Variants in CTNS observed in about 807,000 individuals in gnomAD.
CTNS encodes the protein cystinosin, lysosomal cystine transporter, also known as cystinosin.
Under a neutral mutation model 43.7 loss-of-function variants are expected in CTNS, and 27 were observed. The ratio of observed to expected loss-of-function variants is 0.62; its 90% CI spans 0.46 to 0.85. The LOEUF is 0.85. Among genes scored for constraint, CTNS ranks in the 40% least tolerant of loss-of-function variants. CTNS has a pLI of 0.00. For missense variants in CTNS, 457 were observed against 475.4 expected (o/e 0.96, Z 0.36); for synonymous variants, 187 against 190.6 (o/e 0.98, Z 0.16).
At chr17:3,646,819 T>A (rs2150903633) in intron 3 of CTNS, among the ~76,000 whole-genome samples, 1 of 152,314 alleles carries the variant, frequency 6.6e-6, no homozygotes, top group South Asian at 2.1e-4. Flanking sequence ...GATTCTGAGT[T>A]AACAGCTTAA....
intron 3 of CTNS, 85 bp from the exon 4 acceptor site, chr17:3,647,359 A>G: frequency 8.9e-7 from 1 of 1,120,106 alleles, no homozygotes; most frequent in East Asian, 2.4e-5. Context: ...TCAGGAGTTC[A>G]GATGTCAGGG....
At chr17:3,646,246 C>A (rs999733167) in intron 3 of CTNS, among the ~76,000 whole-genome samples, 5 of 151,786 alleles carry the variant, frequency 3.3e-5, no homozygotes, top group African/African-American at 1.2e-4. Flanking sequence ...GAGGCTTACT[C>A]AGTCCGGTGC....
rs572513205 is a variant in CTNS, at chr17:3,643,701, G to C, written c.61+3434G>C. On this transcript the variant is annotated intron_variant, in intron 3 of 11. Transcript: ENST00000046640. ...AGTGCCTCAGCCTCCCAAGTAGCTG[G>C]GTTTGTAGACGTGCGCCACCACATC... 2.0e-5 allele frequency among the ~76,000 whole-genome samples: 3 copies of C among 152,200 alleles called. No homozygotes were observed. The South Asian group carries it at 6.2e-4, about 32-fold the overall frequency.
chr17:3,643,513 G>C (rs1407745231), intron 3 of CTNS, among the ~76,000 whole-genome samples: 1 of 152,056 alleles, frequency 6.6e-6, no homozygotes, highest in Non-Finnish European at 1.5e-5. Context: ...AGGATCACTT[G>C]GGCACAGGAA....
chr17:3,660,393 G>A lies in CTNS; in HGVS notation c.*24G>A. The A allele has an allele frequency of 6.2e-7, 1 of 1,614,112 alleles. No homozygotes were observed. Among genetic ancestry groups the A allele is most frequent in the Non-Finnish European group, 8.5e-7 (1 of 1,180,036 alleles). On this transcript the variant is annotated 3_prime_UTR_variant, in exon 12 of 12. Coordinates refer to ENST00000046640, the MANE Select transcript of CTNS (RefSeq NM_004937.3). ...AGCACCCAGGGACCCAGTGTACCCA[G>A]CCTCTGGCCTCGTGCCCTGCTGGGG...
In CTNS at chr17:3,661,349, T is replaced by C. The variant is rs1323280090; in HGVS notation, c.*980T>C. ...TTGTACTTGAGACCACCTCACACAA[T>C]CTGTATGGGCCCAACCCTGATCTCA... On this transcript the variant is annotated 3_prime_UTR_variant, in exon 12 of 12. Coordinates refer to ENST00000046640, the MANE Select transcript of CTNS (RefSeq NM_004937.3). The C allele has an allele frequency of 6.1e-6, 1 of 164,784 alleles. No homozygotes were observed. Among genetic ancestry groups the C allele is most frequent in the African/African-American group, 2.4e-5 (1 of 41,494 alleles). The allele number at this position is 164,784 out of a possible 1,614,324, so 10.2% of individuals were successfully genotyped here. A position where few individuals can be genotyped will look rare whatever the true frequency, so the allele number is the denominator to read the frequency against.
At chr17:3,653,386 C>T (rs989657809) in intron 5 of CTNS, among the ~76,000 whole-genome samples, 16 of 152,150 alleles carry the variant, frequency 1.1e-4, no homozygotes, top group African/African-American at 3.9e-4. Context: ...GCATTCCAGA[C>T]TGGCAACAGA....
Position 3,660,338 on chromosome 17 carries a change from G to C in CTNS, c.1073G>C (p.Arg358Thr), listed in dbSNP as rs1567716975. 1.2e-6 allele frequency: 2 copies of C among 1,614,236 alleles called. No individual in the cohort carries two copies. The highest frequency in any genetic ancestry group is 3.3e-5 in the Admixed American group (2 of 60,032). The part of the protein sequence containing the change: ...VFFIQHFCLY[R>T]KRPGYDQLN ...TTCATCCAGCACTTCTGTTTGTACAGAAAGAGACCGGGGTATGACCAGCTG... is the reference window on the plus strand; with the variant it reads ...TTCATCCAGCACTTCTGTTTGTACACAAAGAGACCGGGGTATGACCAGCTG... Residue 358 changes from arginine (R) to threonine (T), a missense_variant, in exon 12 of 12, where the codon AGA becomes ACA. Arg to Thr is a moderately conservative substitution (Grantham distance 71). Transcript: ENST00000046640.
chr17:3,644,865 T>C (rs1461438016), intron 3 of CTNS, among the ~76,000 whole-genome samples: 1 of 152,194 alleles, frequency 6.6e-6, no homozygotes, highest in Non-Finnish European at 1.5e-5. Context: ...CCTCCCAAAG[T>C]GTTAGGATTA....
intron 7 of CTNS, 115 bp downstream of exon 7, chr17:3,655,467 C>A: frequency 6.7e-7 from 1 of 1,495,916 alleles, no homozygotes; most frequent in South Asian, 1.1e-5. Flanking sequence ...TGTCTGCCTA[C>A]CCTTTCCAGA....
chr17:3,646,456 T>A (rs1028427287), intron 3 of CTNS, among the ~76,000 whole-genome samples: 4 of 151,798 alleles, frequency 2.6e-5, no homozygotes, highest in African/African-American at 9.7e-5. Context: ...CCCAGCTAAT[T>A]TTTTGTATTT....
chr17:3,639,696 TA>T (rs60417083), intron 2 of CTNS, among the ~76,000 whole-genome samples: 15,088 of 150,752 alleles, frequency 0.1, 2,529 homozygotes, highest in African/African-American at 0.35. Context: ...ATATGTATAT[TA>T]AAAAAAAATG....
chr17:3,646,839 G>T (rs185376157), intron 3 of CTNS, among the ~76,000 whole-genome samples: 1 of 152,192 alleles, frequency 6.6e-6, no homozygotes, highest in Non-Finnish European at 1.5e-5. Flanking sequence ...ATGCCAAGAA[G>T]AAATCTCAGA....
intron 3 of CTNS, among the ~76,000 whole-genome samples, chr17:3,640,810 A>G (rs1262293397): frequency 1.3e-5 from 2 of 152,204 alleles, no homozygotes; most frequent in Admixed American, 1.3e-4. Flanking sequence ...AGGCTGAGGC[A>G]GGAAGATTGC....
intron 7 of CTNS, chr17:3,655,750 C>T: frequency 3.1e-6 from 1 of 324,494 alleles, no homozygotes; most frequent in South Asian, 2.7e-5. Flanking sequence ...AAGACACAAG[C>T]TGTCCTGCAG....
At position 3,656,731 on chromosome 17, in the gene CTNS, T is replaced by C. The variant is rs1286613149; in HGVS notation, c.617T>C (p.Val206Ala). The change falls in exon 9 of 12, where the codon GTC becomes GCC. Residue 206 changes from valine to alanine, a missense_variant. By Grantham distance (64) the Val-to-Ala change is moderately conservative. Coordinates refer to ENST00000046640, the MANE Select transcript of CTNS (RefSeq NM_004937.3). ...NGVNPVNSND[V>A]FFSLHAVVLT... ...GTGAACCCCGTGAACAGCAACGACG[T>C]CTTCTTCAGCCTGCACGCGGTTGTC... 1 of 1,613,270 alleles carries C rather than the reference T, an allele frequency of 6.2e-7. No homozygotes were observed. The highest frequency in any genetic ancestry group is 1.3e-5 in the African/African-American group (1 of 74,840).
intron 5 of CTNS, among the ~76,000 whole-genome samples, chr17:3,654,200 C>T (rs942742539): frequency 9.9e-5 from 15 of 152,160 alleles, no homozygotes; most frequent in Non-Finnish European, 7.3e-5. Context: ...TCCTGTCATT[C>T]ATGGCAGCCC....
Position 3,656,749 on chromosome 17 carries a change from C to A in CTNS, c.635C>A (p.Ala212Glu), listed in dbSNP as rs776658046. 1.2e-6 allele frequency: 2 copies of A among 1,613,514 alleles called. No homozygotes were observed. The highest frequency in any genetic ancestry group is 1.1e-5 in the South Asian group (1 of 91,066). ...AACGACGTCTTCTTCAGCCTGCACG[C>A]GGTTGTCCTCACGCTGATCATCATC... ...NSNDVFFSLH[A>E]VVLTLIIIVQ... Residue 212 changes from alanine (A) to glutamate (E), a missense_variant, in exon 9 of 12, where the codon GCG becomes GAG. By Grantham distance (107) the Ala-to-Glu change is moderately radical (BLOSUM62 -1). Coordinates refer to ENST00000046640, the MANE Select transcript of CTNS (RefSeq NM_004937.3).
intron 2 of CTNS, among the ~76,000 whole-genome samples, chr17:3,637,591 C>T (rs183566055): frequency 2.6e-5 from 4 of 152,030 alleles, no homozygotes; most frequent in East Asian, 1.9e-4. Flanking sequence ...CTCAGCCTTC[C>T]GAGTAGCTGG....
Sources: allele counts gnomAD v4.1 joint callset (sites outside exome capture counted in the v4.1 genomes callset), GRCh38; gene constraint gnomAD v4.1.1; transcripts MANE v1.5; gene names NCBI Gene and HGNC (gene_info 2026-07-23, HGNC 2026-07-21).